CD6: variants seen among roughly 807,000 people sequenced by gnomAD.
CD6 encodes the protein CD6 molecule.
CD6 carries 53 observed loss-of-function variants against 75.3 expected under a neutral mutation model. The observed-to-expected ratio is 0.70, with a 90% CI of 0.56 to 0.88. The LOEUF is 0.88. Among genes scored for constraint, CD6 ranks in the 40% least tolerant of loss-of-function variants. The pLI is 0.00. For synonymous variants in CD6, 359 were observed against 381.5 expected (o/e 0.94, Z 0.69); for missense variants, 770 against 897.1 (o/e 0.86, Z 1.81).
At position 61,013,903 on chromosome 11, in the gene CD6, G is replaced by T. The variant is rs1301562944; in HGVS notation, c.1292-16G>T. ...CAAAAAAATGACTTGTAGAATTTCT[G>T]CCTCCCCTCCCTCAGCCCTCCCCGT... On this transcript the variant is annotated splice_polypyrimidine_tract_variant and intron_variant, in intron 7 of 12. Coordinates refer to ENST00000313421, the MANE Select transcript of CD6 (RefSeq NM_006725.5). 3.8e-6 allele frequency: 6 copies of T among 1,572,504 alleles called. No individual in the cohort carries two copies. The highest frequency in any genetic ancestry group is 5.2e-6 in the Non-Finnish European group (6 of 1,155,706).
chr11:60,987,727 A>AGAGGAGAGGAG (rs796387647), intron 1 of CD6, among the ~76,000 whole-genome samples: 4 of 151,704 alleles, frequency 2.6e-5, no homozygotes, highest in Non-Finnish European at 5.9e-5. Flanking sequence ...CTTTCCATCG[A>AGAGGAGAGGAG]TTTCTTACCC....
In CD6 at chr11:61,013,514, C is replaced by G; in HGVS notation, c.1242C>G (p.Gly414=). Reference sequence around the variant, plus strand: ...TCGTTCTGGGAATTCTCCTCCTTGGCTCCCTCATCTTCATAGCCTTCATCC... The same window carrying G: ...TCGTTCTGGGAATTCTCCTCCTTGGGTCCCTCATCTTCATAGCCTTCATCC... ...PSIVLGILLL[G]SLIFIAFILL... Residue 414 remains glycine, a synonymous_variant, in exon 7 of 13, where the codon GGC becomes GGG. Transcript: ENST00000313421. 1 of 1,614,056 alleles carries G rather than the reference C, an allele frequency of 6.2e-7. No homozygotes were observed. Among genetic ancestry groups the G allele is most frequent in the Non-Finnish European group, 8.5e-7 (1 of 1,179,934 alleles).
chr11:60,973,122 G>A (rs560422917), intron 1 of CD6, among the ~76,000 whole-genome samples: 9 of 152,300 alleles, frequency 5.9e-5, no homozygotes, highest in South Asian at 2.1e-4. Context: ...GAGTAAAGTC[G>A]GGTCCAAAAG....
chr11:60,993,817 T>C (rs1015527479), intron 1 of CD6, among the ~76,000 whole-genome samples: 5 of 152,112 alleles, frequency 3.3e-5, no homozygotes, highest in Non-Finnish European at 4.4e-5. Context: ...GTTCCCAGCA[T>C]ATGCAACAAG....
chr11:60,972,573 C>T (rs923508255), intron 1 of CD6, among the ~76,000 whole-genome samples: 3 of 152,210 alleles, frequency 2.0e-5, no homozygotes, highest in African/African-American at 4.8e-5. Flanking sequence ...TCCCCAGATA[C>T]TTGCTGGCCC....
chr11:60,992,150 G>T (rs1006957951), intron 1 of CD6, among the ~76,000 whole-genome samples: 7 of 151,938 alleles, frequency 4.6e-5, no homozygotes, highest in Non-Finnish European at 8.8e-5. Flanking sequence ...AAAGTGCTGG[G>T]ATTACAGCGT....
chr11:61,018,225 A>G (rs1055401142), intron 11 of CD6, 64 bp from the exon 12 acceptor site: 8 of 1,427,346 alleles, frequency 5.6e-6, no homozygotes, highest in Admixed American at 4.5e-5. Context: ...TGGGCCCCCC[A>G]GCTCTGGCAA....
chr11:61,013,819 G>A (rs774328562), intron 7 of CD6, 100 bp from the exon 8 acceptor site: 1 of 831,834 alleles, frequency 1.2e-6, no homozygotes, highest in Non-Finnish European at 1.9e-6. Context: ...AGTGTTGGGG[G>A]AATGAGGAGG....
At chr11:61,000,236 G>A (rs1443937875) in intron 1 of CD6, among the ~76,000 whole-genome samples, 1 of 152,104 alleles carries the variant, frequency 6.6e-6, no homozygotes, top group Non-Finnish European at 1.5e-5. Context: ...CCCAGATGTG[G>A]AATTACTGGA....
Position 61,009,677 on chromosome 11 carries a change from CA to C in CD6, c.888del (p.Ser297ArgfsTer87). 6.2e-7 allele frequency: 1 copy of C among 1,614,082 alleles called. No individual in the cohort carries two copies. Among genetic ancestry groups the C allele is most frequent in the Non-Finnish European group, 8.5e-7 (1 of 1,180,030 alleles). ...WNTVCDSEWYPSEAKVLCQSL... is the reference protein window; with the variant it reads ...WNTVCDSEWYXSEAKVLCQSL... The stretch of plus-strand genomic sequence containing the variant: ...ACAGTGTGTGACAGTGAGTGGTACC[CA>C]TCGGAGGCCAAGGTGCTCTGCCAGT... On this transcript the variant is annotated frameshift_variant, in exon 5 of 13. Transcript: ENST00000313421. LOFTEE classifies it high-confidence loss of function.
intron 1 of CD6, among the ~76,000 whole-genome samples, chr11:60,996,001 A>G (rs536085866): frequency 1.6e-4 from 25 of 152,264 alleles, no homozygotes; most frequent in Admixed American, 1.6e-3. Context: ...TGGCATGATC[A>G]CCAAAGCAGA....
chr11:61,014,166 GCTCAA>G (rs1859294800), intron 8 of CD6, 152 bp downstream of exon 8: 1 of 591,344 alleles, frequency 1.7e-6, no homozygotes, highest in African/African-American at 1.9e-5. Context: ...CCTTGAGCAG[GCTCAA>G]GTCGTCCCTG....
At chr11:60,998,189 C>T (rs1858397012) in intron 1 of CD6, among the ~76,000 whole-genome samples, 1 of 152,134 alleles carries the variant, frequency 6.6e-6, no homozygotes, top group South Asian at 2.1e-4. Flanking sequence ...GGGTGATTTA[C>T]TTAAGCTCTC....
intron 1 of CD6, among the ~76,000 whole-genome samples, chr11:61,006,026 C>T (rs1000232495): frequency 2.6e-5 from 4 of 152,182 alleles, no homozygotes; most frequent in Non-Finnish European, 4.4e-5. Context: ...TTCTTAGTGT[C>T]TGAAGGCACT....
At chr11:60,972,429 C>T (rs1490363349) in intron 1 of CD6, among the ~76,000 whole-genome samples, 3 of 152,200 alleles carry the variant, frequency 2.0e-5, no homozygotes, top group African/African-American at 7.2e-5. Flanking sequence ...TCAGCACAAC[C>T]AGCTGGGGTA....
chr11:61,000,312 T>A (rs1040978127), intron 1 of CD6, among the ~76,000 whole-genome samples: 1 of 92,094 alleles, frequency 1.1e-5, no homozygotes, highest in Non-Finnish European at 2.4e-5. Flanking sequence ...ACACTTTCTG[T>A]TGATTTTTTT....
At chr11:61,013,045 C>T (rs1456378488) in intron 6 of CD6, among the ~76,000 whole-genome samples, 1 of 152,206 alleles carries the variant, frequency 6.6e-6, no homozygotes, top group East Asian at 1.9e-4. Context: ...GACAAAGCCC[C>T]TCAAGGCCTG....
Position 61,015,752 on chromosome 11 carries a change from A to AGGACTCAGACTCTGGCTC in CD6, c.1439_1456dup (p.Ser480_Asp485dup), listed in dbSNP as rs1195688254. 14 of 1,614,134 alleles carry AGGACTCAGACTCTGGCTC rather than the reference A, an allele frequency of 8.7e-6. No individual in the cohort carries two copies. Among genetic ancestry groups the AGGACTCAGACTCTGGCTC allele is most frequent in the Non-Finnish European group, 1.2e-5 (14 of 1,180,002 alleles). On this transcript the variant is annotated inframe_insertion, in exon 9 of 13. Transcript: ENST00000313421. ...ATCCAGGTCCAGGCCCCGCCCCCTGAGGACTCAGACTCTGGCTCGGACTCA... is the reference window on the plus strand; with the variant it reads ...ATCCAGGTCCAGGCCCCGCCCCCTGAGGACTCAGACTCTGGCTCGGACTCAGACTCTGGCTCGGACTCA...
At chr11:60,993,476 C>A (rs1858149506) in intron 1 of CD6, among the ~76,000 whole-genome samples, 1 of 152,144 alleles carries the variant, frequency 6.6e-6, no homozygotes. Context: ...AGGATAATAA[C>A]AACCACAGCT....
Sources: allele counts gnomAD v4.1 joint callset (sites outside exome capture counted in the v4.1 genomes callset), GRCh38; gene constraint gnomAD v4.1.1; transcripts MANE v1.5; gene names NCBI Gene and HGNC (gene_info 2026-07-23, HGNC 2026-07-21).